Variants in CALR3 observed in about 807,000 individuals in gnomAD.
CALR3 encodes the protein calreticulin 3.
A neutral mutation model predicts 48.7 loss-of-function variants in CALR3; 39 were observed. The observed-to-expected ratio is 0.80, with a 90% CI of 0.62 to 1.05. The LOEUF is 1.05. Among genes scored for constraint, CALR3 ranks in the 50% least tolerant of loss-of-function variants. The pLI is 0.00. For synonymous variants in CALR3, 185 were observed against 172.7 expected (o/e 1.07, Z -0.56); for missense variants, 449 against 474.7 (o/e 0.95, Z 0.50).
chr19:16,481,332 A>G (rs189344251), intron 7 of CALR3, among the ~76,000 whole-genome samples: 77 of 152,290 alleles, frequency 5.1e-4, no homozygotes, highest in African/African-American at 1.5e-3. Flanking sequence ...AGTGTATACT[A>G]TAACAGCAAT....
At chr19:16,491,431 C>T (rs2093397927) in intron 2 of CALR3, among the ~76,000 whole-genome samples, 1 of 150,104 alleles carries the variant, frequency 6.7e-6, no homozygotes, top group South Asian at 2.1e-4. Context: ...TGGTCCCTTT[C>T]CTAAACATTC....
chr19:16,482,479 T>G lies in CALR3; in HGVS notation c.889A>C (p.Ile297Leu). 1 of 1,614,214 alleles carries G rather than the reference T, an allele frequency of 6.2e-7. No individual in the cohort carries two copies. The highest frequency in any genetic ancestry group is 8.5e-7 in the Non-Finnish European group (1 of 1,180,034). Residue 297 changes from isoleucine to leucine, a missense_variant, in exon 7 of 9, where the codon ATT (isoleucine) becomes CTT (leucine). Coordinates refer to ENST00000269881, the MANE Select transcript of CALR3 (RefSeq NM_145046.5). ...CAAAGCTCCAGGCCAATGGCACCAA[T>G]GTTCTCAAATTCTGAGAGGTCATAC... ...TQYDLSEFEN[I>L]GAIGLELWQV...
intron 3 of CALR3, among the ~76,000 whole-genome samples, chr19:16,487,527 T>C (rs1360802123): frequency 1.3e-5 from 2 of 151,812 alleles, no homozygotes; most frequent in Non-Finnish European, 2.9e-5. Context: ...TCTTGCTATA[T>C]TGCCCAAGCT....
chr19:16,484,127 AG>A lies in CALR3; in HGVS notation c.493-13del. The stretch of plus-strand genomic sequence containing the variant: ...GTGAAGCCATCAACCTGCATATTTT[AG>A]GGGGAAAAGCGTAACAATTAAATCC... On this transcript the variant is annotated splice_polypyrimidine_tract_variant and intron_variant, in intron 4 of 8. Coordinates refer to ENST00000269881, the MANE Select transcript of CALR3 (RefSeq NM_145046.5). 4.4e-6 allele frequency: 7 copies of A among 1,588,026 alleles called. No individual in the cohort carries two copies. The highest frequency in any genetic ancestry group is 6.0e-6 in the Non-Finnish European group (7 of 1,158,514).
At chr19:16,487,479 C>T (rs1256502030) in intron 3 of CALR3, among the ~76,000 whole-genome samples, 3 of 36,648 alleles carry the variant, frequency 8.2e-5, no homozygotes, top group Non-Finnish European at 1.9e-4. Context: ...GCTGTGTCTC[C>T]ACAAAAAAAA....
In CALR3 at chr19:16,482,590, A is replaced by T; in HGVS notation, c.787-9T>A. ...TCTGGTTTCAGGCCATCCTGTATCA[A>T]AAAAACCATATGGGGTGGTCTCAAT... On this transcript the variant is annotated splice_polypyrimidine_tract_variant and intron_variant, in intron 6 of 8. Transcript: ENST00000269881. The T allele has an allele frequency of 6.2e-7, 1 of 1,614,174 alleles. No individual in the cohort carries two copies. Among genetic ancestry groups the T allele is most frequent in the African/African-American group, 1.3e-5 (1 of 75,044 alleles).
intron 2 of CALR3, among the ~76,000 whole-genome samples, chr19:16,491,910 C>T (rs936199487): frequency 1.3e-5 from 2 of 151,746 alleles, no homozygotes; most frequent in Non-Finnish European, 2.9e-5. Flanking sequence ...CTCACTGCAA[C>T]CTCCGCCTCC....
intron 3 of CALR3, among the ~76,000 whole-genome samples, chr19:16,489,588 C>T (rs527281984): frequency 3.3e-4 from 50 of 151,248 alleles, no homozygotes; most frequent in African/African-American, 1.2e-3. Context: ...CATTCCACTC[C>T]AGCCTGGGCA....
chr19:16,490,836 C>A (rs2093396776), intron 2 of CALR3, among the ~76,000 whole-genome samples: 1 of 151,756 alleles, frequency 6.6e-6, no homozygotes, highest in African/African-American at 2.4e-5. Flanking sequence ...CGGCTCACTG[C>A]AACCTCCACC....
intron 7 of CALR3, among the ~76,000 whole-genome samples, chr19:16,482,056 G>A (rs956047548): frequency 9.9e-5 from 15 of 151,646 alleles, no homozygotes; most frequent in African/African-American, 2.9e-4. Context: ...ACAGGCGCCC[G>A]CCACCACGCC....
Position 16,485,052 on chromosome 19 carries a change from C to CT in CALR3, c.492+110dup, listed in dbSNP as rs2093387177. 16 of 765,410 alleles carry CT rather than the reference C, an allele frequency of 2.1e-5. No individual in the cohort carries two copies. The South Asian group carries it at 2.4e-4, about 11-fold the overall frequency. The allele number at this position is 765,410 out of a possible 1,614,324, so 47.4% of individuals were successfully genotyped here. Reference sequence around the variant, plus strand: ...TGGAAACTGGAAACAGGAGGTATGTCTACAAAGACCCATCCCTGGCTCAGT... The same window carrying CT: ...TGGAAACTGGAAACAGGAGGTATGTCTTACAAAGACCCATCCCTGGCTCAGT... On this transcript the variant is annotated intron_variant, in intron 4 of 8. Coordinates refer to ENST00000269881, the MANE Select transcript of CALR3 (RefSeq NM_145046.5).
chr19:16,484,178 CTTTTTTTT>C lies in CALR3; in HGVS notation c.493-71_493-64del. 13 of 1,079,430 alleles carry C rather than the reference CTTTTTTTT, an allele frequency of 1.2e-5. 1 individual carries two copies. The highest frequency in any genetic ancestry group is 3.2e-4 in the Middle Eastern group (1 of 3,164). 66.9% of individuals were successfully genotyped at this position (1,079,430 alleles called of 1,614,324 possible). A position where few individuals can be genotyped will look rare whatever the true frequency, so the allele number is the denominator to read the frequency against. On this transcript the variant is annotated intron_variant, in intron 4 of 8. Transcript: ENST00000269881. ...CTCAATTTCTTTTTTCTTTTCTTTT[CTTTTTTTT>C]TTTTTTTTTGAGATGGAGTCTCACT...
At chr19:16,479,303 C>T (rs762729506) in intron 8 of CALR3, 29 bp from the exon 9 acceptor site, 1 of 1,613,176 alleles carries the variant, frequency 6.2e-7, no homozygotes. Context: ...AACATAAGCC[C>T]CACCGGGTGC....
Position 16,480,702 on chromosome 19 carries a change from C to G in CALR3, c.923G>C (p.Arg308Thr). The G allele has an allele frequency of 6.2e-7, 1 of 1,607,380 alleles. No individual in the cohort carries two copies. The highest frequency in any genetic ancestry group is 8.5e-7 in the Non-Finnish European group (1 of 1,173,962). ...AAAGTTATCAAAAATGGTTCCAGATCTCACCTGCAGATGAAAATAAGGCCT... is the reference window on the plus strand; with the variant it reads ...AAAGTTATCAAAAATGGTTCCAGATGTCACCTGCAGATGAAAATAAGGCCT... ...GAIGLELWQV[R>T]SGTIFDNFLI... Residue 308 changes from arginine to threonine, a missense_variant, in exon 8 of 9, where the codon AGA (arginine) becomes ACA (threonine). By Grantham distance (71) the Arg-to-Thr change is moderately conservative. Transcript: ENST00000269881.
chr19:16,485,172 G>C lies in CALR3; in HGVS notation c.483C>G (p.Ile161Met). Residue 161 changes from isoleucine (I) to methionine (M), a missense_variant, in exon 4 of 9, where the codon ATC becomes ATG. By Grantham distance (10) the Ile-to-Met change is conservative. Transcript: ENST00000269881. The part of the protein sequence containing the change: ...KNKYHENKKL[I>M]RCKVDGFTHL... ...ATACAAGAGCAGTTACCTTACACCTGATCAGTTTCTTGTTTTCGTGATACT... is the reference window on the plus strand; with the variant it reads ...ATACAAGAGCAGTTACCTTACACCTCATCAGTTTCTTGTTTTCGTGATACT... 2 of 1,596,338 alleles carry C rather than the reference G, an allele frequency of 1.3e-6. No individual in the cohort carries two copies. Among genetic ancestry groups the C allele is most frequent in the Non-Finnish European group, 1.7e-6 (2 of 1,164,102 alleles).
intron 8 of CALR3, 85 bp downstream of exon 8, chr19:16,480,529 G>A: frequency 6.9e-6 from 6 of 872,864 alleles, no homozygotes; most frequent in Non-Finnish European, 1.2e-5. Flanking sequence ...TACAGCCTGG[G>A]TGACAGAGCT....
At chr19:16,482,641 T>A in intron 6 of CALR3, 37 bp downstream of exon 6, 1 of 1,613,580 alleles carries the variant, frequency 6.2e-7, no homozygotes. Context: ...GGGGCAGCCC[T>A]GGGGCATCCC....
chr19:16,495,644 C>A, intron 2 of CALR3, 107 bp downstream of exon 2: 2 of 801,846 alleles, frequency 2.5e-6, no homozygotes, highest in South Asian at 1.4e-5. Context: ...TTAATGTCTT[C>A]ATCTGTAAAA....
intron 2 of CALR3, among the ~76,000 whole-genome samples, chr19:16,492,861 C>A (rs1447216155): frequency 3.7e-3 from 459 of 124,554 alleles, no homozygotes; most frequent in South Asian, 4.9e-3. Flanking sequence ...GACTCCGTCT[C>A]AAAAAAAAAA....
Sources: allele counts gnomAD v4.1 joint callset (sites outside exome capture counted in the v4.1 genomes callset), GRCh38; gene constraint gnomAD v4.1.1; transcripts MANE v1.5; gene names NCBI Gene and HGNC (gene_info 2026-07-23, HGNC 2026-07-21).